The following URGCP variants were observed in gnomAD, a reference collection of about 807,000 sequenced individuals.
URGCP encodes the protein upregulator of cell proliferation.
URGCP carries 13 observed loss-of-function variants against 24.6 expected under a neutral mutation model. The ratio of observed to expected loss-of-function variants is 0.53; its 90% CI spans 0.34 to 0.84. The LOEUF (loss-of-function observed/expected upper bound fraction) is 0.84, where lower values mean the gene tolerates loss of function less well. URGCP is among the 40% of genes least tolerant of loss of function. The probability of loss-of-function intolerance (pLI) is 0.01; values close to 1 mark genes in which losing one functional copy is unlikely to be tolerated. For missense variants in URGCP, 899 were observed against 1,194.3 expected, an observed-to-expected ratio of 0.75 and a Z score of 3.64; for synonymous variants, 444 against 487.2, an observed-to-expected ratio of 0.91 and a Z score of 1.17.
Position 43,885,105 on chromosome 7 carries a change from T to A in URGCP, c.112+2310A>T, listed in dbSNP as rs796583075. Among the ~76,000 whole-genome samples, 769 of 143,790 alleles carry A rather than the reference T, an allele frequency of 5.3e-3. 5 individuals are homozygous for A. The highest frequency in any genetic ancestry group is 0.015 in the African/African-American group (583 of 39,616). The allele number at this position is 143,790 out of a possible 152,430, so 94.3% of individuals were successfully genotyped here. ...ACTTTTCTGAATGTATAGTATAATTTTTTTTTTTTTTTTTAAAGACAGTCT... is the reference window on the plus strand; with the variant it reads ...ACTTTTCTGAATGTATAGTATAATTATTTTTTTTTTTTTTAAAGACAGTCT... On this transcript the variant is annotated intron_variant, in intron 3 of 5. Coordinates refer to ENST00000453200, the MANE Select transcript of URGCP (RefSeq NM_001077663.3).
At chr7:43,919,951 T>C in intron 1 of URGCP, 1 of 1,347,656 alleles carries the variant, frequency 7.4e-7, no homozygotes, top group Non-Finnish European at 1.1e-6. Flanking sequence ...AAGGACAACT[T>C]TGATGAGATG....
chr7:43,926,420 C>G, upstream of URGCP: 1 of 964,854 alleles, frequency 1.0e-6, no homozygotes, highest in Non-Finnish European at 1.3e-6. Flanking sequence ...GTGCCCCGCG[C>G]GCGCAAGCGC....
intron 1 of URGCP, among the ~76,000 whole-genome samples, chr7:43,904,104 C>T (rs2095896739): frequency 6.6e-6 from 1 of 152,242 alleles, no homozygotes. Flanking sequence ...GAGAGCTCCA[C>T]CAATGCAAAT....
At chr7:43,916,716 C>A (rs571464199) in intron 1 of URGCP, among the ~76,000 whole-genome samples, 2 of 123,162 alleles carry the variant, frequency 1.6e-5, no homozygotes, top group East Asian at 2.7e-4. Flanking sequence ...TACCCACCCC[C>A]CCCCCCCACA....
intron 1 of URGCP, among the ~76,000 whole-genome samples, chr7:43,891,465 T>C (rs767656791): frequency 7.9e-5 from 12 of 152,182 alleles, no homozygotes; most frequent in Admixed American, 2.6e-4. Flanking sequence ...TTCTTCATGG[T>C]CCAGGACACA....
At chr7:43,885,445 T>G (rs79579805) in intron 3 of URGCP, among the ~76,000 whole-genome samples, 2,580 of 152,296 alleles carry the variant, frequency 0.017, 70 homozygotes, top group African/African-American at 0.058. Context: ...CCTATAGGCT[T>G]AAAACCTTGC....
intron 1 of URGCP, chr7:43,889,289 C>G (rs984557661): frequency 5.9e-5 from 9 of 152,178 alleles, no homozygotes; most frequent in African/African-American, 2.2e-4. Flanking sequence ...TCAAGACTAG[C>G]CTGGGCAACA....
intron 1 of URGCP, chr7:43,919,131 G>C: frequency 1.2e-6 from 1 of 866,698 alleles, no homozygotes; most frequent in South Asian, 1.3e-5. Context: ...TGGGGGGACA[G>C]GCTCTGGCCT....
chr7:43,919,263 C>T lies in URGCP; in HGVS notation c.-116+6869G>A, dbSNP rs1585841038. 4 of 821,252 alleles carry T rather than the reference C, an allele frequency of 4.9e-6. No homozygotes were observed. In the East Asian group the frequency reaches 7.3e-5, roughly 15 times the overall value. The allele number at this position is 821,252 out of a possible 1,614,324, so 50.9% of individuals were successfully genotyped here. A position where few individuals can be genotyped will look rare whatever the true frequency, so the allele number is the denominator to read the frequency against. On this transcript the variant is annotated intron_variant, in intron 1 of 5. Coordinates refer to the URGCP transcript ENST00000426198. ...GGTGGTCCAGCTTTATAATTCACTC[C>T]TCACACTCAAGAGGCTGATGCAGAA...
intron 1 of URGCP, 124 bp from the exon 2 acceptor site, chr7:43,887,940 T>C: frequency 3.2e-6 from 2 of 621,722 alleles, no homozygotes; most frequent in South Asian, 2.3e-5. Context: ...TCTGCAGCCA[T>C]TAAAAAATAC....
chr7:43,890,024 C>A (rs2095868133), intron 1 of URGCP, among the ~76,000 whole-genome samples: 1 of 151,810 alleles, frequency 6.6e-6, no homozygotes, highest in Admixed American at 6.6e-5. Flanking sequence ...CCTGCCTCAG[C>A]CTCCCAAGTA....
chr7:43,901,455 C>A (rs2095890517), intron 1 of URGCP, among the ~76,000 whole-genome samples: 1 of 152,234 alleles, frequency 6.6e-6, no homozygotes, highest in Admixed American at 6.5e-5. Flanking sequence ...AGGGAACACT[C>A]TGGGTGGCTG....
At chr7:43,917,107 C>G (rs2095916415) in intron 1 of URGCP, among the ~76,000 whole-genome samples, 1 of 152,104 alleles carries the variant, frequency 6.6e-6, no homozygotes, top group Non-Finnish European at 1.5e-5. Context: ...GGATTGAGCT[C>G]AGCAGGGAGG....
upstream of URGCP, among the ~76,000 whole-genome samples, chr7:43,907,446 A>C (rs1351915380): frequency 6.6e-6 from 1 of 152,178 alleles, no homozygotes; most frequent in African/African-American, 2.4e-5. Context: ...CAGCCTGGGC[A>C]ACATATTGAG....
intron 1 of URGCP, among the ~76,000 whole-genome samples, chr7:43,895,466 A>G (rs1486473278): frequency 1.3e-5 from 2 of 152,264 alleles, no homozygotes; most frequent in Non-Finnish European, 2.9e-5. Flanking sequence ...GTTTGAGTCC[A>G]GGAGTTCAAG....
At chr7:43,913,354 G>A (rs1302683061) in intron 1 of URGCP, among the ~76,000 whole-genome samples, 4 of 151,440 alleles carry the variant, frequency 2.6e-5, no homozygotes, top group African/African-American at 4.8e-5. Context: ...GACTACAGGC[G>A]CCTGCCACCA....
chr7:43,915,203 T>C (rs761133706), intron 1 of URGCP, among the ~76,000 whole-genome samples: 5 of 152,198 alleles, frequency 3.3e-5, no homozygotes, highest in South Asian at 2.1e-4. Context: ...TTTTTCCTAG[T>C]TGTGAGACAA....
At chr7:43,923,631 T>C (rs140341008) in intron 1 of URGCP, among the ~76,000 whole-genome samples, 1 of 152,170 alleles carries the variant, frequency 6.6e-6, no homozygotes, top group East Asian at 1.9e-4. Context: ...AGTATCTTCT[T>C]TGAAGAAATT....
At chr7:43,918,934 C>A in intron 1 of URGCP, 3 of 1,385,468 alleles carry the variant, frequency 2.2e-6, no homozygotes, top group Middle Eastern at 1.8e-4. Context: ...ATCCTCAACT[C>A]CCCCTGTGCC....
Sources: allele counts gnomAD v4.1 joint callset (sites outside exome capture counted in the v4.1 genomes callset), GRCh38; gene constraint gnomAD v4.1.1; transcripts MANE v1.5; gene names NCBI Gene and HGNC (gene_info 2026-07-23, HGNC 2026-07-21).